Variants in DLGAP2 observed in about 807,000 individuals in gnomAD.
DLGAP2 encodes disks large-associated protein 2.
DLGAP2 carries 26 observed loss-of-function variants against 100.3 expected under a neutral mutation model. The ratio of observed to expected loss-of-function variants is 0.26; its 90% CI spans 0.19 to 0.36. DLGAP2 has a LOEUF of 0.36. Ranked by LOEUF, DLGAP2 falls within the 10% of genes least tolerant of loss-of-function variation. DLGAP2 has a pLI of 1.00. For missense variants in DLGAP2, 1,858 were observed against 1,453.2 expected, an observed-to-expected ratio of 1.28 and a Z score of -4.53; for synonymous variants, 886 against 630.1, an observed-to-expected ratio of 1.41 and a Z score of -6.08.
At chr8:1,451,705 A>G (rs1798164528) in intron 3 of DLGAP2, among the ~76,000 whole-genome samples, 2 of 151,948 alleles carry the variant, frequency 1.3e-5, no homozygotes, top group Non-Finnish European at 1.5e-5. Context: ...ACACAGCCTC[A>G]TGCTGCCTCC....
chr8:1,187,453 ACCCGGGAC>A (rs1797532531), intron 2 of DLGAP2, among the ~76,000 whole-genome samples: 10 of 89,218 alleles, frequency 1.1e-4, no homozygotes, highest in East Asian at 3.9e-4. Flanking sequence ...AATCTCACAC[ACCCGGGAC>A]CTCCGTGACA....
intron 2 of DLGAP2, among the ~76,000 whole-genome samples, chr8:1,050,958 TG>T (rs1427533695): frequency 1.1e-4 from 8 of 72,954 alleles, no homozygotes; most frequent in African/African-American, 2.8e-4. Context: ...CATTTTGTGG[TG>T]GGGTCATTTC....
At chr8:909,023 G>C (rs1798433874) in intron 2 of DLGAP2, among the ~76,000 whole-genome samples, 1 of 152,188 alleles carries the variant, frequency 6.6e-6, no homozygotes, top group Non-Finnish European at 1.5e-5. Flanking sequence ...AAAACACCAG[G>C]TGTATTGAGA....
chr8:1,207,739 T>C (rs1319007389), intron 2 of DLGAP2, among the ~76,000 whole-genome samples: 1 of 152,180 alleles, frequency 6.6e-6, no homozygotes, highest in African/African-American at 2.4e-5. Context: ...ATTTTTTTAT[T>C]TTTTAATTAT....
intron 3 of DLGAP2, chr8:1,302,121 G>C (rs1442469147): frequency 1.3e-5 from 2 of 152,430 alleles, no homozygotes; most frequent in African/African-American, 4.8e-5. Context: ...AAGTTCCTGA[G>C]CCTTGCTCCA....
chr8:1,293,778 T>G (rs971694508), intron 3 of DLGAP2, among the ~76,000 whole-genome samples: 3 of 152,220 alleles, frequency 2.0e-5, no homozygotes, highest in Non-Finnish European at 4.4e-5. Context: ...TCCCAGAGTC[T>G]CCTTCTTCAC....
chr8:1,299,002 G>C (rs1003705052), intron 3 of DLGAP2, among the ~76,000 whole-genome samples: 16 of 152,214 alleles, frequency 1.1e-4, no homozygotes, highest in African/African-American at 3.4e-4. Flanking sequence ...AGGGGCCCAA[G>C]GGAGCAAAGG....
intron 4 of DLGAP2, among the ~76,000 whole-genome samples, chr8:1,505,829 G>C (rs575705225): frequency 6.6e-6 from 1 of 151,988 alleles, no homozygotes; most frequent in Non-Finnish European, 1.5e-5. Flanking sequence ...TCATTTTCCC[G>C]AATGTTATAT....
intron 3 of DLGAP2, among the ~76,000 whole-genome samples, chr8:1,444,521 T>C (rs1434488070): frequency 6.6e-6 from 1 of 152,170 alleles, no homozygotes; most frequent in African/African-American, 2.4e-5. Context: ...TCTTATGGAA[T>C]TTTTTAAGAG....
intron 3 of DLGAP2, among the ~76,000 whole-genome samples, chr8:1,273,997 A>G (rs1056098879): frequency 1.3e-5 from 2 of 152,108 alleles, no homozygotes; most frequent in African/African-American, 4.8e-5. Flanking sequence ...TTCAGTAACC[A>G]TTTTTCATAT....
At chr8:1,490,273 A>C (rs76229722) in intron 3 of DLGAP2, among the ~76,000 whole-genome samples, 1 of 152,234 alleles carries the variant, frequency 6.6e-6, no homozygotes, top group South Asian at 2.1e-4. Flanking sequence ...TGTCAGCAAT[A>C]ATTAGAGCTG....
intron 3 of DLGAP2, among the ~76,000 whole-genome samples, chr8:1,315,086 G>C (rs1800701363): frequency 6.6e-6 from 1 of 152,184 alleles, no homozygotes; most frequent in Non-Finnish European, 1.5e-5. Flanking sequence ...GGTTTTTTCA[G>C]AAGCGGCGAC....
rs58364891 is a variant in DLGAP2 at position 1,164,170 on chromosome 8, G to C, written c.74-94681G>C. Among the ~76,000 whole-genome samples the C allele has an allele frequency of 3.4e-3, 196 of 57,026 alleles. 18 individuals carry two copies. The highest frequency in any genetic ancestry group is 3.0e-3 in the Non-Finnish European group (85 of 28,236). 37.4% of individuals were successfully genotyped at this position (57,026 alleles called of 152,430 possible). On this transcript the variant is annotated intron_variant, in intron 2 of 14. Transcript: ENST00000637795. Reference sequence around the variant, plus strand: ...TTTTTCTGTGAGCCCCCCAGGGCCCGTCATTTTGGTTTGTGGGGATTTTTC... The same window carrying C: ...TTTTTCTGTGAGCCCCCCAGGGCCCCTCATTTTGGTTTGTGGGGATTTTTC...
chr8:878,445 A>T (rs1797724626), intron 1 of DLGAP2, among the ~76,000 whole-genome samples: 1 of 152,146 alleles, frequency 6.6e-6, no homozygotes, highest in African/African-American at 2.4e-5. Context: ...AGAGGACGAT[A>T]AGTAGAGGTT....
At chr8:1,266,188 T>G (rs1799446863) in intron 3 of DLGAP2, among the ~76,000 whole-genome samples, 2 of 152,234 alleles carry the variant, frequency 1.3e-5, no homozygotes, top group East Asian at 3.9e-4. Flanking sequence ...CTGTCTACTA[T>G]CTGCGAAAGG....
At chr8:1,528,165 C>T (rs1800858668) in intron 4 of DLGAP2, among the ~76,000 whole-genome samples, 1 of 152,200 alleles carries the variant, frequency 6.6e-6, no homozygotes, top group South Asian at 2.1e-4. Flanking sequence ...AAAACAGCAC[C>T]TCCTCCTGGG....
At chr8:925,610 C>T (rs1258180835) in intron 2 of DLGAP2, among the ~76,000 whole-genome samples, 1 of 152,052 alleles carries the variant, frequency 6.6e-6, no homozygotes, top group Non-Finnish European at 1.5e-5. Flanking sequence ...TTAGGGCCCT[C>T]CAGAGAAGTG....
chr8:1,252,401 C>T (rs1028448261), intron 2 of DLGAP2, among the ~76,000 whole-genome samples: 2 of 152,042 alleles, frequency 1.3e-5, no homozygotes, highest in Non-Finnish European at 2.9e-5. Context: ...GTTGTGTTGT[C>T]CTGGGTGACG....
chr8:1,517,640 T>C (rs890160843), intron 4 of DLGAP2, among the ~76,000 whole-genome samples: 3 of 152,124 alleles, frequency 2.0e-5, no homozygotes, highest in Non-Finnish European at 4.4e-5. Context: ...CCTGCTAAAA[T>C]GCACCACACA....
Sources: allele counts gnomAD v4.1 joint callset (sites outside exome capture counted in the v4.1 genomes callset), GRCh38; gene constraint gnomAD v4.1.1; transcripts MANE v1.5; gene names NCBI Gene and HGNC (gene_info 2026-07-23, HGNC 2026-07-21).